Variants in CLSTN2 observed in about 807,000 individuals in gnomAD.
The protein encoded by CLSTN2 is calsyntenin-2.
A neutral mutation model predicts 101.2 loss-of-function variants in CLSTN2; 48 were observed. The ratio of observed to expected loss-of-function variants is 0.47; its 90% confidence interval spans 0.38 to 0.60. CLSTN2 has a LOEUF of 0.60. Ranked by LOEUF, CLSTN2 falls within the 20% of genes least tolerant of loss-of-function variation. CLSTN2 has a pLI of 0.00. For missense variants in CLSTN2, 1,160 were observed against 1,238.2 expected, an observed-to-expected ratio of 0.94 and a Z score of 0.95; for synonymous variants, 481 against 463.6, an observed-to-expected ratio of 1.04 and a Z score of -0.48.
intron 2 of CLSTN2, among the ~76,000 whole-genome samples, chr3:140,178,456 C>A (rs1034088595): frequency 6.6e-6 from 1 of 152,176 alleles, no homozygotes; most frequent in African/African-American, 2.4e-5. Flanking sequence ...TTCTTGAAAC[C>A]ATAGTTTCCT....
intron 2 of CLSTN2, among the ~76,000 whole-genome samples, chr3:140,193,056 T>C (rs1464642709): frequency 6.6e-6 from 1 of 151,940 alleles, no homozygotes; most frequent in African/African-American, 2.4e-5. Context: ...CTCCTTTCCA[T>C]TGCTTCTTCC....
At chr3:140,302,403 T>C (rs1241957823) in intron 2 of CLSTN2, among the ~76,000 whole-genome samples, 1 of 152,222 alleles carries the variant, frequency 6.6e-6, no homozygotes. Context: ...TGAATAACTG[T>C]GTTCATTTGG....
intron 8 of CLSTN2, among the ~76,000 whole-genome samples, chr3:140,475,058 C>T (rs1405735495): frequency 7.4e-6 from 1 of 134,774 alleles, no homozygotes; most frequent in African/African-American, 2.5e-5. Flanking sequence ...CCTAGAATCA[C>T]CTTCTAAATA....
In CLSTN2 at chr3:140,532,444, T is replaced by A; in HGVS notation, c.1465T>A (p.Ser489Thr). 1 of 1,614,012 alleles carries A rather than the reference T, an allele frequency of 6.2e-7. No individual in the cohort carries two copies. Among genetic ancestry groups the A allele is most frequent in the Non-Finnish European group, 8.5e-7 (1 of 1,179,950 alleles). Residue 489 changes from serine (S) to threonine (T), a missense_variant, in exon 9 of 17, where the codon TCT (serine) becomes ACT (threonine). Coordinates refer to ENST00000458420, the MANE Select transcript of CLSTN2 (RefSeq NM_022131.3). ...LVTNDWPIHPSHIAMQLTVGA... is the reference protein window; with the variant it reads ...LVTNDWPIHPTHIAMQLTVGA... Reference sequence around the variant, plus strand: ...GACCAACGACTGGCCCATTCATCCATCTCACATAGCCATGCAACTCACAGT... The same window carrying A: ...GACCAACGACTGGCCCATTCATCCAACTCACATAGCCATGCAACTCACAGT...
At chr3:140,357,043 G>A (rs1429577688) in intron 2 of CLSTN2, among the ~76,000 whole-genome samples, 1 of 152,076 alleles carries the variant, frequency 6.6e-6, no homozygotes, top group African/African-American at 2.4e-5. Context: ...CAAAGGCACA[G>A]AAGAAAGGTC....
chr3:140,326,975 C>G (rs1375520903), intron 2 of CLSTN2, among the ~76,000 whole-genome samples: 1 of 151,744 alleles, frequency 6.6e-6, no homozygotes, highest in African/African-American at 2.4e-5. Flanking sequence ...TGAAGAATAA[C>G]TGAAAAAAAG....
At chr3:140,320,921 G>A (rs1467065252) in intron 2 of CLSTN2, among the ~76,000 whole-genome samples, 2 of 152,192 alleles carry the variant, frequency 1.3e-5, no homozygotes, top group African/African-American at 4.8e-5. Context: ...CATTTGATAA[G>A]AGGTGAACAG....
At chr3:139,966,465 C>T (rs1576379333) in intron 1 of CLSTN2, among the ~76,000 whole-genome samples, 1 of 152,292 alleles carries the variant, frequency 6.6e-6, no homozygotes, top group East Asian at 1.9e-4. Context: ...GCGGTTTCCT[C>T]TGCCTGGGAT....
chr3:140,463,407 G>C (rs144935845), intron 7 of CLSTN2, among the ~76,000 whole-genome samples: 1 of 152,158 alleles, frequency 6.6e-6, no homozygotes, highest in East Asian at 1.9e-4. Context: ...GAGAGTGCTA[G>C]GATGGTCCCC....
intron 11 of CLSTN2, among the ~76,000 whole-genome samples, chr3:140,558,107 T>A (rs999000297): frequency 6.6e-6 from 1 of 152,232 alleles, no homozygotes; most frequent in African/African-American, 2.4e-5. Context: ...ACACCATTTC[T>A]GCCTCCCAGA....
At chr3:140,219,817 G>C (rs1018879232) in intron 2 of CLSTN2, among the ~76,000 whole-genome samples, 2 of 152,204 alleles carry the variant, frequency 1.3e-5, no homozygotes, top group African/African-American at 4.8e-5. Context: ...GATGTGCTAT[G>C]TAAAATAGTG....
intron 1 of CLSTN2, among the ~76,000 whole-genome samples, chr3:140,113,094 A>C (rs1351946675): frequency 1.3e-5 from 2 of 152,136 alleles, no homozygotes; most frequent in East Asian, 1.9e-4. Context: ...TTTTTGAGCC[A>C]GTTGTTAAAC....
At chr3:140,296,170 A>G (rs1192504856) in intron 2 of CLSTN2, among the ~76,000 whole-genome samples, 1 of 152,178 alleles carries the variant, frequency 6.6e-6, no homozygotes, top group African/African-American at 2.4e-5. Context: ...AGAAGGGGGA[A>G]CCACCTTCCT....
At chr3:140,251,342 A>G (rs1157117355) in intron 2 of CLSTN2, among the ~76,000 whole-genome samples, 2 of 152,160 alleles carry the variant, frequency 1.3e-5, no homozygotes, top group Non-Finnish European at 2.9e-5. Context: ...CAAAAGTGCT[A>G]TGGGCTGTAT....
At chr3:140,283,473 A>G (rs1250063460) in intron 2 of CLSTN2, among the ~76,000 whole-genome samples, 3 of 152,130 alleles carry the variant, frequency 2.0e-5, no homozygotes, top group Non-Finnish European at 2.9e-5. Context: ...CTGTGGAGTC[A>G]GTAAAGCTGA....
intron 2 of CLSTN2, among the ~76,000 whole-genome samples, chr3:140,403,176 C>T (rs2088262684): frequency 6.6e-6 from 1 of 152,196 alleles, no homozygotes. Flanking sequence ...TTTTCAGGCT[C>T]CACAGGGGCT....
At chr3:140,039,402 G>A (rs1211400154) in intron 1 of CLSTN2, among the ~76,000 whole-genome samples, 1 of 152,108 alleles carries the variant, frequency 6.6e-6, no homozygotes, top group East Asian at 1.9e-4. Flanking sequence ...TACTCCCATT[G>A]CTGTCCCACT....
chr3:139,989,222 C>T (rs1057237563), intron 1 of CLSTN2, among the ~76,000 whole-genome samples: 2 of 152,146 alleles, frequency 1.3e-5, no homozygotes, highest in African/African-American at 4.8e-5. Context: ...AGCCTCAGGC[C>T]TGGTGCAAAG....
At chr3:140,394,687 C>T (rs1338771261) in intron 2 of CLSTN2, among the ~76,000 whole-genome samples, 1 of 152,192 alleles carries the variant, frequency 6.6e-6, no homozygotes, top group Non-Finnish European at 1.5e-5. Flanking sequence ...GTTTCTGATT[C>T]ATCCAAATCT....
Sources: gnomAD v4.1 joint callset for allele counts (sites outside exome capture counted in the v4.1 genomes callset) on GRCh38, gnomAD v4.1.1 for gene constraint, MANE v1.5 for transcripts, NCBI Gene and HGNC (gene_info 2026-07-23, HGNC 2026-07-21) for gene names.